The following SUPT5H variants were observed in gnomAD, a reference collection of about 807,000 sequenced individuals.
SUPT5H encodes the protein transcription elongation factor SPT5.
Under a neutral mutation model 142.5 loss-of-function variants are expected in SUPT5H, and 24 were observed. That is an observed-to-expected ratio of 0.17 (90% CI 0.12 to 0.24). The LOEUF is 0.24. Ranked by LOEUF, SUPT5H falls within the 10% of genes least tolerant of loss-of-function variation. The pLI is 1.00. For missense variants in SUPT5H, 893 were observed against 1,471.8 expected (o/e 0.61, Z 6.43); for synonymous variants, 546 against 553.0 (o/e 0.99, Z 0.18).
At chr19:39,455,113 T>G (rs949590881) in intron 3 of SUPT5H, among the ~76,000 whole-genome samples, 7 of 152,214 alleles carry the variant, frequency 4.6e-5, no homozygotes, top group Non-Finnish European at 8.8e-5. Flanking sequence ...CTGTTCGCAG[T>G]TGCAAAAGTT....
chr19:39,474,132 T>C lies in SUPT5H; in HGVS notation c.2651+11T>C. 6.2e-7 allele frequency: 1 copy of C among 1,602,418 alleles called. No homozygotes were observed. Among genetic ancestry groups the C allele is most frequent in the South Asian group, 1.1e-5 (1 of 89,228 alleles). ...AGGGACGCCGGCCATGTGAGTCCACTGGGGCCTGCCCTCGTCTACCCCTGC... is the reference window on the plus strand; with the variant it reads ...AGGGACGCCGGCCATGTGAGTCCACCGGGGCCTGCCCTCGTCTACCCCTGC... On this transcript the variant is annotated intron_variant, in intron 26 of 29. Transcript: ENST00000432763. The surrounding 1 kb of genome is among the most constrained non-coding windows in gnomAD (Gnocchi z 6.5).
intron 13 of SUPT5H, chr19:39,467,004 C>T (rs1041700721): frequency 6.3e-6 from 3 of 476,184 alleles, no homozygotes; most frequent in African/African-American, 3.9e-5. Context: ...GCAAGGAGTT[C>T]GAGACCAGCC....
intron 4 of SUPT5H, 55 bp downstream of exon 4, chr19:39,457,795 T>C (rs752488982): frequency 1.2e-6 from 2 of 1,612,760 alleles, no homozygotes; most frequent in Non-Finnish European, 1.7e-6. Flanking sequence ...GCTGAGAGGG[T>C]CTTCAGAGCC....
chr19:39,472,752 G>A lies in SUPT5H; in HGVS notation c.2036-58G>A. 6.4e-7 allele frequency: 1 copy of A among 1,568,200 alleles called. No individual in the cohort carries two copies. Among genetic ancestry groups the A allele is most frequent in the Non-Finnish European group, 8.7e-7 (1 of 1,155,006 alleles). On this transcript the variant is annotated intron_variant, in intron 21 of 29. Coordinates refer to ENST00000432763, the MANE Select transcript of SUPT5H (RefSeq NM_001111020.3). This position sits in a 1 kb window ranked among gnomAD's most constrained non-coding sequence, Gnocchi z 4.2. ...AAGCAAGTGAAGGGGACGTTCTGAT[G>A]GTGCCCTTGCTGTGGGCACAGCCGT...
At chr19:39,447,264 G>T (rs891896266) in intron 2 of SUPT5H, among the ~76,000 whole-genome samples, 1 of 152,130 alleles carries the variant, frequency 6.6e-6, no homozygotes, top group East Asian at 1.9e-4. Flanking sequence ...GAAGGCTGTG[G>T]TAAGGAATTT....
Position 39,468,874 on chromosome 19 carries a change from G to C in SUPT5H, c.1143+13G>C. ...CATGTCTGCTGTGGTGAGGGTCCCA[G>C]AGGGGTGTTGGTAATGGGGGTGGTG... is the stretch of plus-strand genomic sequence containing the variant. On this transcript the variant is annotated intron_variant, in intron 14 of 29. Transcript: ENST00000432763. 1 of 1,613,640 alleles carries C rather than the reference G, an allele frequency of 6.2e-7. No homozygotes were observed.
At chr19:39,451,608 T>C (rs1600695955) in intron 2 of SUPT5H, among the ~76,000 whole-genome samples, 1 of 152,174 alleles carries the variant, frequency 6.6e-6, no homozygotes, top group African/African-American at 2.4e-5. Context: ...CTCGGCTGAG[T>C]GCAACCTTCA....
At chr19:39,449,006 C>T (rs2078986798) in intron 2 of SUPT5H, among the ~76,000 whole-genome samples, 1 of 143,472 alleles carries the variant, frequency 7.0e-6, no homozygotes, top group African/African-American at 2.5e-5. Context: ...AGGAGAATGG[C>T]GTGAACGCAG....
In SUPT5H at chr19:39,465,059, G is replaced by A. The variant is rs757946693; in HGVS notation, c.876+10G>A. 1 of 1,608,034 alleles carries A rather than the reference G, an allele frequency of 6.2e-7. No individual in the cohort carries two copies. Among genetic ancestry groups the A allele is most frequent in the South Asian group, 1.1e-5 (1 of 90,722 alleles). Reference sequence around the variant, plus strand: ...GGATGACATTGCTCAGGTGCCCGGGGCGGGGTGGCATGGGGGTCAGGGTCC... The same window carrying A: ...GGATGACATTGCTCAGGTGCCCGGGACGGGGTGGCATGGGGGTCAGGGTCC... On this transcript the variant is annotated intron_variant, in intron 11 of 29. Coordinates refer to ENST00000432763, the MANE Select transcript of SUPT5H (RefSeq NM_001111020.3).
chr19:39,474,313 T>C lies in SUPT5H; in HGVS notation c.2731T>C (p.Tyr911His), dbSNP rs1463574572. 1.9e-6 allele frequency: 3 copies of C among 1,613,758 alleles called. No homozygotes were observed. The highest frequency in any genetic ancestry group is 3.3e-5 in the Admixed American group (2 of 59,970). Residue 911 changes from tyrosine (Y) to histidine (H), a missense_variant, in exon 27 of 30, where the codon TAC becomes CAC. Physicochemically the swap from Tyr to His is moderately conservative, Grantham distance 83 (BLOSUM62 2). This residue lies in a region of SUPT5H where 336 missense variants were observed against 546.5 expected (regional missense o/e 0.61). Transcript: ENST00000432763. The surrounding 1 kb of genome is among the most constrained non-coding windows in gnomAD (Gnocchi z 6.5). ...CCAGCCCAGCCCCAGCCCCCAGAGCTACCACCAGGTGGCGCCAAGCCCAGC... is the reference window on the plus strand; with the variant it reads ...CCAGCCCAGCCCCAGCCCCCAGAGCCACCACCAGGTGGCGCCAAGCCCAGC... The part of the protein sequence containing the change: ...SYQPSPSPQS[Y>H]HQVAPSPAGY...
At chr19:39,464,681 G>A (rs1160671707) in intron 10 of SUPT5H, 117 bp from the exon 11 acceptor site, 5 of 1,418,902 alleles carry the variant, frequency 3.5e-6, no homozygotes, top group Non-Finnish European at 4.8e-6. Context: ...ATGTCATTGT[G>A]CCAGTGTGTT....
rs2079138118 is a variant in SUPT5H, at chr19:39,459,827, T to G, written c.556-65T>G. On this transcript the variant is annotated intron_variant, in intron 9 of 29. Coordinates refer to ENST00000432763, the MANE Select transcript of SUPT5H (RefSeq NM_001111020.3). ...TTTATTTTTCTTGCTGCTGTCTCCT[T>G]CCCCCTTTCCTGTGTCCTTTCCTCC... The G allele has an allele frequency of 5.8e-6, 9 of 1,552,908 alleles. No homozygotes were observed. The East Asian group carries it at 2.0e-4, about 35-fold the overall frequency.
rs1264988206 is a variant in SUPT5H at position 39,466,591 on chromosome 19, C to G, written c.966+22C>G. On this transcript the variant is annotated intron_variant, in intron 12 of 29. Coordinates refer to ENST00000432763, the MANE Select transcript of SUPT5H (RefSeq NM_001111020.3). This position sits in a 1 kb window ranked among gnomAD's most constrained non-coding sequence, Gnocchi z 4.3. ...CTTGGTACTCAGGGGAATCTGTGGC[C>G]TGGGGGGGAGGGAGTGTGCTCGATC... is the stretch of plus-strand genomic sequence containing the variant. 6.2e-7 allele frequency: 1 copy of G among 1,607,812 alleles called. No homozygotes were observed. The highest frequency in any genetic ancestry group is 1.7e-5 in the Admixed American group (1 of 59,590).
At position 39,458,914 on chromosome 19, in the gene SUPT5H, G is replaced by A. The variant is rs2146094281; in HGVS notation, c.389+27G>A. 6.2e-7 allele frequency: 1 copy of A among 1,613,892 alleles called. No homozygotes were observed. The highest frequency in any genetic ancestry group is 8.5e-7 in the Non-Finnish European group (1 of 1,179,784). Reference sequence around the variant, plus strand: ...TGGGCAAGGAAGGGAAACGTGGTGGGATTGGCTCCTGTGGGGAGATTTGGG... The same window carrying A: ...TGGGCAAGGAAGGGAAACGTGGTGGAATTGGCTCCTGTGGGGAGATTTGGG... On this transcript the variant is annotated intron_variant, in intron 6 of 29. Coordinates refer to ENST00000432763, the MANE Select transcript of SUPT5H (RefSeq NM_001111020.3). This position sits in a 1 kb window ranked among gnomAD's most constrained non-coding sequence, Gnocchi z 4.2.
intron 3 of SUPT5H, 104 bp downstream of exon 3, chr19:39,453,625 C>T (rs2079048661): frequency 7.4e-7 from 1 of 1,355,802 alleles, no homozygotes; most frequent in Admixed American, 2.8e-5. Flanking sequence ...GTCGCCCAGG[C>T]TGGAGTGCAG....
intron 28 of SUPT5H, among the ~76,000 whole-genome samples, chr19:39,475,532 C>A (rs578227488): frequency 1.3e-5 from 2 of 151,632 alleles, no homozygotes; most frequent in Non-Finnish European, 2.9e-5. Context: ...GGGAGCAGAT[C>A]TGTGGTATGG....
chr19:39,462,843 T>TC (rs199867070), intron 10 of SUPT5H, among the ~76,000 whole-genome samples: 7 of 126,658 alleles, frequency 5.5e-5, no homozygotes, highest in African/African-American at 1.8e-4. Context: ...AATTTTCTTT[T>TC]TTTTTTTTTT....
rs763845583 is a variant in SUPT5H at position 39,476,248 on chromosome 19, A to G, written c.3121-8A>G. The G allele has an allele frequency of 1.2e-6, 2 of 1,613,248 alleles. No homozygotes were observed. Among genetic ancestry groups the G allele is most frequent in the Non-Finnish European group, 1.7e-6 (2 of 1,179,832 alleles). ...CATGGACCCTGACCATATTCCCCCC[A>G]CCCCCAGGTGAAAGTGATCCTGGGC... On this transcript the variant is annotated splice_region_variant and splice_polypyrimidine_tract_variant and intron_variant, in intron 29 of 29. Coordinates refer to ENST00000432763, the MANE Select transcript of SUPT5H (RefSeq NM_001111020.3).
Position 39,458,993 on chromosome 19 carries a change from C to T in SUPT5H, c.390-12C>T. ...CCTTCAATTCGTGTTTGCTTCCCCA[C>T]TCGTGCTCCAGGGACCAGCGAGAAG... On this transcript the variant is annotated splice_polypyrimidine_tract_variant and intron_variant, in intron 6 of 29. Transcript: ENST00000432763. The surrounding 1 kb of genome is among the most constrained non-coding windows in gnomAD (Gnocchi z 4.2). 1.9e-6 allele frequency: 3 copies of T among 1,614,138 alleles called. No homozygotes were observed. The highest frequency in any genetic ancestry group is 2.5e-6 in the Non-Finnish European group (3 of 1,180,020).
Sources: gnomAD v4.1 joint callset for allele counts (sites outside exome capture counted in the v4.1 genomes callset) on GRCh38, gnomAD v4.1.1 for gene constraint, gnomAD v4.1.1 regional missense constraint, Gnocchi (gnomAD v3.1) non-coding constraint, MANE v1.5 for transcripts, NCBI Gene and HGNC (gene_info 2026-07-23, HGNC 2026-07-21) for gene names.